KCNJ10: variants seen among roughly 807,000 people sequenced by gnomAD.
KCNJ10 encodes potassium inwardly rectifying channel subfamily J member 10.
A neutral mutation model predicts 22.2 loss-of-function variants in KCNJ10; 9 were observed. That is an observed-to-expected ratio of 0.40 (90% CI 0.24 to 0.71). The LOEUF (loss-of-function observed/expected upper bound fraction) is 0.71. Ranked by LOEUF, KCNJ10 falls within the 30% of genes least tolerant of loss-of-function variation. The pLI is 0.35. For synonymous variants in KCNJ10, 184 were observed against 187.3 expected, an observed-to-expected ratio of 0.98 and a Z score of 0.15; for missense variants, 337 against 482.7, an observed-to-expected ratio of 0.70 and a Z score of 2.83.
At chr1:160,043,300 C>CACAA (rs1648658297) in intron 1 of KCNJ10, among the ~76,000 whole-genome samples, 1 of 150,046 alleles carries the variant, frequency 6.7e-6, no homozygotes, top group Non-Finnish European at 1.5e-5. Flanking sequence ...CACACACACA[C>CACAA]ACACACACAC....
chr1:160,045,591 A>G (rs1648726529), intron 1 of KCNJ10, among the ~76,000 whole-genome samples: 1 of 152,220 alleles, frequency 6.6e-6, no homozygotes, highest in Non-Finnish European at 1.5e-5. Context: ...TGATTGCCAA[A>G]AAAGCAAACT....
chr1:160,062,027 G>A (rs866955165), intron 1 of KCNJ10, among the ~76,000 whole-genome samples: 4 of 151,932 alleles, frequency 2.6e-5, no homozygotes, highest in Non-Finnish European at 4.4e-5. Context: ...CAGGCTCTGA[G>A]TGCCCCTTCC....
chr1:160,059,781 G>A (rs569713128), intron 1 of KCNJ10, among the ~76,000 whole-genome samples: 1 of 152,330 alleles, frequency 6.6e-6, no homozygotes, highest in South Asian at 2.1e-4. Flanking sequence ...CTATCTTCCA[G>A]GCCACTCAAG....
At position 160,041,701 on chromosome 1, in the gene KCNJ10, C is replaced by G. The variant is rs1476079382; in HGVS notation, c.832G>C (p.Glu278Gln). The change falls in exon 2 of 2, where the codon GAG becomes CAG. Residue 278 changes from glutamate to glutamine, a missense_variant. By Grantham distance (29) the Glu-to-Gln change is conservative (BLOSUM62 2). Around this residue, in one of 3 missense-constraint regions of KCNJ10, gnomAD observed 165 missense variants for 281.5 expected, o/e 0.59. Coordinates refer to ENST00000644903, the MANE Select transcript of KCNJ10 (RefSeq NM_002241.5). This position sits in a 1 kb window ranked among gnomAD's most constrained non-coding sequence, Gnocchi z 4.4. ...LPLRSGEGDF[E>Q]LVLILSGTVE... ...GTCCCACTTAGGATCAGCACCAGCTCAAAGTCACCCTCACCACTGCGAAGA... is the reference window on the plus strand; with the variant it reads ...GTCCCACTTAGGATCAGCACCAGCTGAAAGTCACCCTCACCACTGCGAAGA... 6.2e-7 allele frequency: 1 copy of G among 1,614,054 alleles called. No individual in the cohort carries two copies. The highest frequency in any genetic ancestry group is 8.5e-7 in the Non-Finnish European group (1 of 1,180,040).
At chr1:160,044,055 G>A (rs542235730) in intron 1 of KCNJ10, among the ~76,000 whole-genome samples, 3 of 151,652 alleles carry the variant, frequency 2.0e-5, no homozygotes, top group South Asian at 4.2e-4. Context: ...TTTTCCCCAT[G>A]GCCTTGTCCC....
At chr1:160,054,850 CTAGT>C (rs1648988566) in intron 1 of KCNJ10, among the ~76,000 whole-genome samples, 1 of 152,246 alleles carries the variant, frequency 6.6e-6, no homozygotes, top group Non-Finnish European at 1.5e-5. Flanking sequence ...ACCCCCACCC[CTAGT>C]CTCTGCAGAG....
intron 1 of KCNJ10, among the ~76,000 whole-genome samples, chr1:160,050,300 ATT>A (rs57990965): frequency 9.5e-5 from 14 of 147,006 alleles, no homozygotes; most frequent in East Asian, 2.0e-4. Context: ...CACCCAGCTA[ATT>A]TTTTTTTTTT....
rs1469042714 is a variant in KCNJ10, at chr1:160,039,723, T to C, written c.*1670A>G. ...GTCTAGCCTCAAAATTTTGTGTTTC[T>C]CTGCAAGGCTCTGTACATAGATGCA... On this transcript the variant is annotated 3_prime_UTR_variant, in exon 2 of 2. Transcript: ENST00000644903. 6.6e-6 allele frequency: 1 copy of C among 152,268 alleles called. No individual in the cohort carries two copies. Among genetic ancestry groups the C allele is most frequent in the Non-Finnish European group, 1.5e-5 (1 of 68,062 alleles). The allele number at this position is 152,268 out of a possible 1,614,324, so 9.4% of individuals were successfully genotyped here.
At position 160,043,918 on chromosome 1, in the gene KCNJ10, G is replaced by C. The variant is rs540188554; in HGVS notation, c.1-1386C>G. Among the ~76,000 whole-genome samples, 35 of 152,362 alleles carry C rather than the reference G, an allele frequency of 2.3e-4. No individual in the cohort carries two copies. The South Asian group carries it at 6.8e-3, about 30-fold the overall frequency. On this transcript the variant is annotated intron_variant, in intron 1 of 1. Transcript: ENST00000644903. ...CCTGGATCTGATAGCCAGATCTTCT[G>C]TGGAGCAGGGTGATCTCTGGGGAGT...
At chr1:160,065,917 G>C (rs1389207874) in intron 1 of KCNJ10, among the ~76,000 whole-genome samples, 2 of 152,116 alleles carry the variant, frequency 1.3e-5, no homozygotes, top group Non-Finnish European at 2.9e-5. Flanking sequence ...GGAGGCTGCT[G>C]TGGGCATCCA....
chr1:160,058,697 G>A (rs1649107146), intron 1 of KCNJ10, among the ~76,000 whole-genome samples: 1 of 152,042 alleles, frequency 6.6e-6, no homozygotes, highest in Non-Finnish European at 1.5e-5. Flanking sequence ...ATTACTGGTG[G>A]AACAGAGTCC....
At chr1:160,049,675 T>TTATTTATATATATA (rs1283511580) in intron 1 of KCNJ10, among the ~76,000 whole-genome samples, 19 of 47,116 alleles carry the variant, frequency 4.0e-4, no homozygotes, top group East Asian at 8.2e-4. Context: ...TTTTATTTAT[T>TTATTTATATATATA]TATATATATA....
Position 160,041,432 on chromosome 1 carries a change from C to T in KCNJ10, c.1101G>A (p.Lys367=), listed in dbSNP as rs777227509. ...LEESLREQAE[K]EGSALSVRIS... ...TGCGCACACTAAGGGCACTGCCCTC[C>T]TTCTCAGCTTGCTCCCTTAATGACT... The change falls in exon 2 of 2, where the codon AAG becomes AAA. Residue 367 remains lysine (K), a synonymous_variant. Coordinates refer to ENST00000644903, the MANE Select transcript of KCNJ10 (RefSeq NM_002241.5). The surrounding 1 kb of genome is among the most constrained non-coding windows in gnomAD (Gnocchi z 4.4). 6.2e-6 allele frequency: 10 copies of T among 1,613,806 alleles called. No individual in the cohort carries two copies. The highest frequency in any genetic ancestry group is 7.6e-6 in the Non-Finnish European group (9 of 1,179,990).
At chr1:160,056,729 C>G (rs934213282) in intron 1 of KCNJ10, among the ~76,000 whole-genome samples, 1 of 152,122 alleles carries the variant, frequency 6.6e-6, no homozygotes, top group South Asian at 2.1e-4. Context: ...TAAATTTAAC[C>G]TAATTGGTTA....
Position 160,049,680 on chromosome 1 carries a change from TATATATATATATATATATATATATATATA to T in KCNJ10, c.1-7177_1-7149del, listed in dbSNP as rs1648841078. Among the ~76,000 whole-genome samples the T allele has an allele frequency of 4.2e-5, 3 of 71,400 alleles. No homozygotes were observed. The Admixed American group carries it at 4.5e-4, about 11-fold the overall frequency. 46.8% of individuals were successfully genotyped at this position (71,400 alleles called of 152,430 possible). A position where few individuals can be genotyped will look rare whatever the true frequency, so the allele number is the denominator to read the frequency against. ...GGATCCAGCATTTTATTTATTTATA[TATATATATATATATATATATATATATATA>T]TATATATATATGTTATCCTAAAGAT... On this transcript the variant is annotated intron_variant, in intron 1 of 1. Coordinates refer to ENST00000644903, the MANE Select transcript of KCNJ10 (RefSeq NM_002241.5).
chr1:160,066,328 C>T (rs2101936962), intron 1 of KCNJ10, among the ~76,000 whole-genome samples: 1 of 152,220 alleles, frequency 6.6e-6, no homozygotes, highest in East Asian at 1.9e-4. Flanking sequence ...TCTTAAACTG[C>T]TTGATAATTC....
At chr1:160,049,840 T>G (rs541645015) in intron 1 of KCNJ10, among the ~76,000 whole-genome samples, 1 of 151,120 alleles carries the variant, frequency 6.6e-6, no homozygotes, top group Admixed American at 6.6e-5. Flanking sequence ...CCAATCTAAC[T>G]GACTCCATCA....
At chr1:160,068,601 C>T (rs1351714425) in intron 1 of KCNJ10, among the ~76,000 whole-genome samples, 6 of 152,156 alleles carry the variant, frequency 3.9e-5, no homozygotes, top group Non-Finnish European at 7.3e-5. Flanking sequence ...CCTTCCATCC[C>T]CCTCCTCCCT....
chr1:160,059,156 A>C (rs921244183), intron 1 of KCNJ10, among the ~76,000 whole-genome samples: 1 of 152,146 alleles, frequency 6.6e-6, no homozygotes, highest in Non-Finnish European at 1.5e-5. Context: ...GCCCAGGAGG[A>C]CTGCTCGTAA....
Sources: gnomAD v4.1 joint callset for allele counts (sites outside exome capture counted in the v4.1 genomes callset) on GRCh38, gnomAD v4.1.1 for gene constraint, gnomAD v4.1.1 regional missense constraint, Gnocchi (gnomAD v3.1) non-coding constraint, MANE v1.5 for transcripts, NCBI Gene and HGNC (gene_info 2026-07-23, HGNC 2026-07-21) for gene names.